The following SP140 variants were observed in gnomAD, a reference collection of about 807,000 sequenced individuals.
SP140 encodes nuclear body protein SP140.
A neutral mutation model predicts 125.0 loss-of-function variants in SP140; 81 were observed. The observed-to-expected ratio is 0.65, with a 90% confidence interval of 0.54 to 0.78. SP140 has a LOEUF of 0.78. Among genes scored for constraint, SP140 ranks in the 30% least tolerant of loss-of-function variants. SP140 has a pLI of 0.00. For synonymous variants in SP140, 312 were observed against 354.0 expected, an observed-to-expected ratio of 0.88 and a Z score of 1.33; for missense variants, 858 against 1,037.0, an observed-to-expected ratio of 0.83 and a Z score of 2.37.
chr2:230,235,270 C>T, intron 1 of SP140, among the ~76,000 whole-genome samples: 1 of 152,200 alleles, frequency 6.6e-6, no homozygotes, highest in Non-Finnish European at 1.5e-5. Flanking sequence ...CACGCTGGAT[C>T]CTTTTCTGAC....
intron 22 of SP140, among the ~76,000 whole-genome samples, chr2:230,308,567 C>T (rs950047213): frequency 3.9e-5 from 6 of 152,184 alleles, no homozygotes; most frequent in African/African-American, 1.4e-4. Flanking sequence ...GCATCCCACG[C>T]CACGCAGGGC....
downstream of SP140, among the ~76,000 whole-genome samples, chr2:230,314,444 G>T (rs138295565): frequency 0.014 from 2,134 of 152,304 alleles, 55 homozygotes; most frequent in African/African-American, 0.049. Flanking sequence ...GTCCAGGAAG[G>T]GTGAAATGTG....
chr2:230,267,378 C>T (rs2053283672), intron 12 of SP140, among the ~76,000 whole-genome samples: 1 of 152,166 alleles, frequency 6.6e-6, no homozygotes, highest in Non-Finnish European at 1.5e-5. Flanking sequence ...TCTGGTAGTT[C>T]TATTTGCAGA....
intron 1 of SP140, among the ~76,000 whole-genome samples, chr2:230,233,996 T>C (rs895392204): frequency 6.6e-6 from 1 of 152,222 alleles, no homozygotes; most frequent in African/African-American, 2.4e-5. Flanking sequence ...AGAATTACTG[T>C]TCTAAGATAA....
chr2:230,239,086 A>C, intron 3 of SP140: 1 of 1,360,466 alleles, frequency 7.4e-7, no homozygotes, highest in South Asian at 1.7e-5. Context: ...AAAGTAAAAG[A>C]AGTCAGTATG....
chr2:230,260,389 G>A (rs2052030997), intron 12 of SP140, among the ~76,000 whole-genome samples: 1 of 152,298 alleles, frequency 6.6e-6, no homozygotes, highest in African/African-American at 2.4e-5. Context: ...CCACTCTGTG[G>A]GTTGTCTGTT....
chr2:230,248,819 A>G (rs1418602257), intron 8 of SP140, 66 bp from the exon 9 acceptor site: 15 of 1,320,400 alleles, frequency 1.1e-5, no homozygotes, highest in East Asian at 4.6e-5. Flanking sequence ...CTTGGATGGC[A>G]TGAACACACT....
chr2:230,291,025 AC>A (rs1418307986), intron 19 of SP140, among the ~76,000 whole-genome samples: 1 of 152,074 alleles, frequency 6.6e-6, no homozygotes, highest in African/African-American at 2.4e-5. Flanking sequence ...AGAGAAGGGA[AC>A]CTTTCTGAAC....
chr2:230,295,005 G>A (rs141337743), intron 21 of SP140, among the ~76,000 whole-genome samples: 1 of 152,302 alleles, frequency 6.6e-6, no homozygotes, highest in African/African-American at 2.4e-5. Context: ...CTTTTATGTT[G>A]ATGCCACCTC....
intron 1 of SP140, among the ~76,000 whole-genome samples, chr2:230,230,223 G>A (rs887486074): frequency 2.6e-5 from 4 of 152,150 alleles, no homozygotes; most frequent in Non-Finnish European, 5.9e-5. Context: ...AGTGCTGATT[G>A]CTTAGGTTGG....
At chr2:230,307,222 T>A (rs2058845500) in intron 22 of SP140, among the ~76,000 whole-genome samples, 1 of 152,194 alleles carries the variant, frequency 6.6e-6, no homozygotes, top group Non-Finnish European at 1.5e-5. Flanking sequence ...CCACAGTGGG[T>A]CTCTGAGCTG....
intron 12 of SP140, among the ~76,000 whole-genome samples, chr2:230,260,999 G>A (rs563583284): frequency 1.3e-5 from 2 of 152,162 alleles, no homozygotes; most frequent in African/African-American, 4.8e-5. Flanking sequence ...TTTTGATGGG[G>A]ATTGCATTGA....
At chr2:230,277,153 G>A (rs2054829803) in intron 15 of SP140, among the ~76,000 whole-genome samples, 1 of 152,140 alleles carries the variant, frequency 6.6e-6, no homozygotes, top group African/African-American at 2.4e-5. Context: ...CAATAGCATT[G>A]CATGCTACAG....
the SP140 span, among the ~76,000 whole-genome samples, chr2:230,193,836 A>G: frequency 3.3e-5 from 5 of 152,232 alleles, no homozygotes; most frequent in Admixed American, 3.3e-4. Context: ...AGTTGGGGCC[A>G]TTTTGGCAAG....
At chr2:230,191,108 A>G in the SP140 span, among the ~76,000 whole-genome samples, 1 of 152,212 alleles carries the variant, frequency 6.6e-6, no homozygotes, top group Non-Finnish European at 1.5e-5. Context: ...TGTAGAGACA[A>G]TATACCAGAA....
intron 18 of SP140, 191 bp downstream of exon 18, chr2:230,288,157 C>CTGGTTG: frequency 1.9e-6 from 1 of 530,372 alleles, no homozygotes; most frequent in Non-Finnish European, 3.3e-6. Context: ...GGTGATGGAT[C>CTGGTTG]TACAACCAGA....
In SP140 at chr2:230,237,281, G is replaced by T; in HGVS notation, c.237+21G>T. 1 of 1,606,826 alleles carries T rather than the reference G, an allele frequency of 6.2e-7. No homozygotes were observed. Among genetic ancestry groups the T allele is most frequent in the Non-Finnish European group, 8.5e-7 (1 of 1,176,548 alleles). ...ATGAAGTAAGTAAGAATTTCCAAAT[G>T]ATGATAAACCAGGTCCATACTCAAT... On this transcript the variant is annotated intron_variant, in intron 2 of 26. Coordinates refer to ENST00000392045, the MANE Select transcript of SP140 (RefSeq NM_007237.5). This position sits in a 1 kb window ranked among gnomAD's most constrained non-coding sequence, Gnocchi z 5.4.
At chr2:230,286,121 C>G (rs747659594) in intron 17 of SP140, among the ~76,000 whole-genome samples, 2 of 152,126 alleles carry the variant, frequency 1.3e-5, no homozygotes, top group Non-Finnish European at 2.9e-5. Flanking sequence ...ATGGCTGGAC[C>G]TGGTAAATTG....
chr2:230,221,579 AT>A (rs1053632355), upstream of SP140: 2 of 970,296 alleles, frequency 2.1e-6, no homozygotes, highest in African/African-American at 3.2e-5. Flanking sequence ...GAAAAATTCA[AT>A]GCTAACAGCT....
Sources: allele counts gnomAD v4.1 joint callset (sites outside exome capture counted in the v4.1 genomes callset), GRCh38; gene constraint gnomAD v4.1.1; non-coding constraint Gnocchi (gnomAD v3.1); transcripts MANE v1.5; gene names NCBI Gene and HGNC (gene_info 2026-07-23, HGNC 2026-07-21).